Variants in PER2 observed in about 807,000 individuals in gnomAD.
The protein encoded by PER2 is period circadian protein homolog 2.
Under a neutral mutation model 121.0 loss-of-function variants are expected in PER2, and 66 were observed. The ratio of observed to expected loss-of-function variants is 0.55; its 90% CI spans 0.45 to 0.67. The LOEUF (loss-of-function observed/expected upper bound fraction) is 0.67, where lower values mean the gene tolerates loss of function less well. PER2 is among the 30% of genes least tolerant of loss of function. The pLI, the probability that PER2 is intolerant of heterozygous loss-of-function variation, is 0.00. For synonymous variants in PER2, 684 were observed against 659.9 expected (o/e 1.04, Z -0.56); for missense variants, 1,521 against 1,635.0 (o/e 0.93, Z 1.20).
intron 3 of PER2, among the ~76,000 whole-genome samples, chr2:238,276,281 T>G (rs1421466380): frequency 6.6e-6 from 1 of 152,252 alleles, no homozygotes; most frequent in Non-Finnish European, 1.5e-5. Flanking sequence ...TGGCCAAGTA[T>G]GACAATCAGA....
At chr2:238,282,614 T>C (rs534991593) in intron 1 of PER2, among the ~76,000 whole-genome samples, 1 of 152,368 alleles carries the variant, frequency 6.6e-6, no homozygotes, top group East Asian at 1.9e-4. Context: ...AAAGGACAGA[T>C]GGCACTCAGG....
chr2:238,253,674 T>G lies in PER2; in HGVS notation c.2349A>C (p.Gly783=). ...CTGTTTTTTTCCAAGGTGAATCTAT[T>G]CCGGAAGTATTTCTTAGTCCAGGGG... The part of the protein sequence containing the change: ...RTAPGLRNTS[G]IDSPWKKTGK... Residue 783 remains glycine (G), a synonymous_variant, in exon 19 of 23, where the codon GGA becomes GGC. Coordinates refer to ENST00000254657, the MANE Select transcript of PER2 (RefSeq NM_022817.3). The surrounding 1 kb of genome is among the most constrained non-coding windows in gnomAD (Gnocchi z 5.6). 1 of 1,608,220 alleles carries G rather than the reference T, an allele frequency of 6.2e-7. No homozygotes were observed. Among genetic ancestry groups the G allele is most frequent in the Non-Finnish European group, 8.5e-7 (1 of 1,176,850 alleles).
At chr2:238,258,439 C>T in intron 15 of PER2, 39 bp from the exon 16 acceptor site, 1 of 1,614,144 alleles carries the variant, frequency 6.2e-7, no homozygotes, top group Non-Finnish European at 8.5e-7. Flanking sequence ...GGCCACACAA[C>T]ATGAGAGGAG....
chr2:238,259,243 G>A (rs1574845545), intron 14 of PER2, among the ~76,000 whole-genome samples: 3 of 152,246 alleles, frequency 2.0e-5, no homozygotes, highest in South Asian at 2.1e-4. Flanking sequence ...TGTCTGGCCA[G>A]AGTGTTCCCC....
At chr2:238,251,357 G>A (rs1695592146) in intron 20 of PER2, among the ~76,000 whole-genome samples, 1 of 152,248 alleles carries the variant, frequency 6.6e-6, no homozygotes, top group Admixed American at 6.5e-5. Flanking sequence ...AGGAGCCAGG[G>A]TGTGAGGCCT....
chr2:238,266,165 A>C (rs1443080147), intron 8 of PER2, among the ~76,000 whole-genome samples: 1 of 152,074 alleles, frequency 6.6e-6, no homozygotes, highest in Admixed American at 6.6e-5. Flanking sequence ...GGCCTCCCAA[A>C]GTGCTGGGAC....
intron 1 of PER2, among the ~76,000 whole-genome samples, chr2:238,283,520 G>A (rs1262449470): frequency 6.6e-6 from 1 of 152,238 alleles, no homozygotes; most frequent in Non-Finnish European, 1.5e-5. Context: ...CAAAGGCCCT[G>A]CGGCAGGCAA....
chr2:238,291,623 T>C (rs997585055), upstream of PER2, among the ~76,000 whole-genome samples: 1 of 152,234 alleles, frequency 6.6e-6, no homozygotes, highest in East Asian at 1.9e-4. Context: ...CCCCTAGTGC[T>C]GGAGCCCCTT....
chr2:238,261,634 G>A lies in PER2; in HGVS notation c.1416+95C>T, dbSNP rs1355856951. The A allele has an allele frequency of 2.5e-5, 19 of 774,746 alleles. No individual in the cohort carries two copies. In the East Asian group the frequency reaches 3.7e-4, roughly 15 times the overall value. 48.0% of individuals were successfully genotyped at this position (774,746 alleles called of 1,614,324 possible). On this transcript the variant is annotated intron_variant, in intron 12 of 22. Transcript: ENST00000254657. ...GAGAATGACAGATGAAGCTGTCTGA[G>A]TGGGTGTGCCAGGACCAGGGTTCAG...
chr2:238,260,104 A>G, intron 13 of PER2, 51 bp from the exon 14 acceptor site: 1 of 799,374 alleles, frequency 1.3e-6, no homozygotes, highest in Non-Finnish European at 2.2e-6. Context: ...GACCTCCTTC[A>G]GTCTGTCCGG....
intron 6 of PER2, among the ~76,000 whole-genome samples, chr2:238,270,183 G>A (rs1696240550): frequency 6.6e-6 from 1 of 152,252 alleles, no homozygotes; most frequent in Non-Finnish European, 1.5e-5. Flanking sequence ...CAGTGAAACA[G>A]AAGCCCCAAA....
At chr2:238,295,337 C>T in the PER2 span, 1 of 151,550 alleles carries the variant, frequency 6.6e-6, no homozygotes, top group Non-Finnish European at 1.5e-5. Flanking sequence ...TCTCTTTCTC[C>T]TCCTTCTCCT....
chr2:238,285,701 C>T (rs1202618516), intron 1 of PER2, among the ~76,000 whole-genome samples: 1 of 126,772 alleles, frequency 7.9e-6, no homozygotes, highest in African/African-American at 2.6e-5. Flanking sequence ...GTGCCAGCCC[C>T]CCAGAGGCTC....
chr2:238,266,006 C>T (rs1308976829), intron 8 of PER2, among the ~76,000 whole-genome samples: 2 of 151,782 alleles, frequency 1.3e-5, no homozygotes, highest in Non-Finnish European at 2.9e-5. Context: ...GAGGTTCAAG[C>T]GATTCTCCTG....
intron 17 of PER2, 28 bp from the exon 18 acceptor site, chr2:238,255,939 T>A (rs750370593): frequency 3.1e-6 from 5 of 1,613,936 alleles, no homozygotes; most frequent in Non-Finnish European, 8.5e-7. Flanking sequence ...AGGGCTCTGG[T>A]CCACACGTGC....
intron 22 of PER2, among the ~76,000 whole-genome samples, chr2:238,248,800 C>T (rs762179418): frequency 2.0e-5 from 3 of 152,074 alleles, no homozygotes; most frequent in African/African-American, 4.8e-5. Context: ...GGACTACAGG[C>T]GCCCGCCACC....
In PER2 at chr2:238,253,403, C is replaced by T. The variant is rs759548389; in HGVS notation, c.2620G>A (p.Ala874Thr). The change falls in exon 19 of 23, where the codon GCC (alanine) becomes ACC (threonine). Residue 874 changes from alanine to threonine, a missense_variant. Ala to Thr is a moderately conservative substitution (Grantham distance 58). Transcript: ENST00000254657. The surrounding 1 kb of genome is among the most constrained non-coding windows in gnomAD (Gnocchi z 5.6). ...TVAAPPAPPH[A>T]SFTVPAVPVD... ...GGCACAGCAGGCACTGTGAAGCTGG[C>T]GTGGGGAGGTGCCGGGGGTGCTGCC... is the stretch of plus-strand genomic sequence containing the variant. 4.3e-5 allele frequency: 70 copies of T among 1,609,482 alleles called. No individual in the cohort carries two copies. The Middle Eastern group carries it at 9.9e-4, about 23-fold the overall frequency.
intron 21 of PER2, among the ~76,000 whole-genome samples, chr2:238,249,742 G>A (rs1027846927): frequency 1.3e-5 from 2 of 152,344 alleles, no homozygotes; most frequent in Middle Eastern, 3.4e-3. Flanking sequence ...GTTCCCCTAC[G>A]CTGTCCTGGT....
chr2:238,265,488 A>T (rs1248585209), intron 9 of PER2, 24 bp downstream of exon 9: 1 of 1,469,994 alleles, frequency 6.8e-7, no homozygotes, highest in Non-Finnish European at 9.5e-7. Flanking sequence ...AACATGAAAA[A>T]GGGGGTGGGT....
Sources: allele counts gnomAD v4.1 joint callset (sites outside exome capture counted in the v4.1 genomes callset), GRCh38; gene constraint gnomAD v4.1.1; non-coding constraint Gnocchi (gnomAD v3.1); transcripts MANE v1.5; gene names NCBI Gene and HGNC (gene_info 2026-07-23, HGNC 2026-07-21).